Variants in ATE1 observed in about 807,000 individuals in gnomAD.
ATE1 encodes the protein arginyltransferase 1.
Under a neutral mutation model 70.5 loss-of-function variants are expected in ATE1, and 36 were observed. That is an observed-to-expected ratio of 0.51 (90% CI 0.39 to 0.67). The LOEUF (loss-of-function observed/expected upper bound fraction) is 0.67. Among genes scored for constraint, ATE1 ranks in the 30% least tolerant of loss-of-function variants. The pLI is 0.00. For missense variants in ATE1, 593 were observed against 629.5 expected, an observed-to-expected ratio of 0.94 and a Z score of 0.62; for synonymous variants, 232 against 219.3, an observed-to-expected ratio of 1.06 and a Z score of -0.51.
chr10:121,809,548 G>T (rs902236693), intron 10 of ATE1, among the ~76,000 whole-genome samples: 1 of 152,034 alleles, frequency 6.6e-6, no homozygotes, highest in Admixed American at 6.6e-5. Context: ...TTTTTACTGC[G>T]AGTGCACCGC....
intron 7 of ATE1, among the ~76,000 whole-genome samples, chr10:121,889,037 CAG>C (rs1408719901): frequency 6.6e-6 from 1 of 152,012 alleles, no homozygotes; most frequent in Non-Finnish European, 1.5e-5. Context: ...TTTTTTGAGA[CAG>C]AGTCTCATTC....
At chr10:121,805,607 T>C (rs774993550) in intron 10 of ATE1, among the ~76,000 whole-genome samples, 1 of 152,228 alleles carries the variant, frequency 6.6e-6, no homozygotes, top group Non-Finnish European at 1.5e-5. Context: ...ACTAATACTT[T>C]AAAATGTTTA....
chr10:121,828,084 T>C (rs1277856060), intron 10 of ATE1, among the ~76,000 whole-genome samples: 1 of 152,240 alleles, frequency 6.6e-6, no homozygotes, highest in Non-Finnish European at 1.5e-5. Context: ...CATGTCAGGA[T>C]ATTAAATGAA....
intron 7 of ATE1, among the ~76,000 whole-genome samples, chr10:121,891,909 T>C (rs1037694119): frequency 6.6e-6 from 1 of 152,230 alleles, no homozygotes; most frequent in Non-Finnish European, 1.5e-5. Context: ...TGTGATACTG[T>C]ACAGAGTCCC....
chr10:121,868,862 C>T (rs143094536), intron 8 of ATE1, among the ~76,000 whole-genome samples: 6 of 152,294 alleles, frequency 3.9e-5, no homozygotes, highest in Admixed American at 2.6e-4. Context: ...GTTTTCAATG[C>T]GCCAGTGTAG....
intron 3 of ATE1, among the ~76,000 whole-genome samples, chr10:121,918,284 G>A (rs534587260): frequency 1.3e-5 from 2 of 150,130 alleles, no homozygotes; most frequent in East Asian, 3.9e-4. Flanking sequence ...AGTGAGCAGA[G>A]ATCGCGCCAC....
At chr10:121,914,045 T>C (rs781435020) in intron 3 of ATE1, 152 bp from the exon 4 acceptor site, 430 of 558,608 alleles carry the variant, frequency 7.7e-4, no homozygotes, top group Non-Finnish European at 1.1e-3. Flanking sequence ...CCAGCCCACA[T>C]CACACTAAGA....
At chr10:121,827,131 G>A (rs781619374) in intron 10 of ATE1, among the ~76,000 whole-genome samples, 14 of 151,402 alleles carry the variant, frequency 9.2e-5, no homozygotes, top group Admixed American at 1.3e-4. Context: ...CTCCTGCCTC[G>A]GCCTCCTGAG....
At chr10:121,816,227 A>G (rs1008888917) in intron 10 of ATE1, among the ~76,000 whole-genome samples, 2 of 152,258 alleles carry the variant, frequency 1.3e-5, no homozygotes, top group African/African-American at 4.8e-5. Flanking sequence ...ATTTTAAAAG[A>G]AAAACTATTA....
chr10:121,847,783 G>A (rs763130763), intron 8 of ATE1, among the ~76,000 whole-genome samples: 3 of 138,488 alleles, frequency 2.2e-5, no homozygotes, highest in East Asian at 2.2e-4. Context: ...AAAAAAAATC[G>A]TGAACAGGCC....
At chr10:121,850,204 T>C (rs142432702) in intron 8 of ATE1, among the ~76,000 whole-genome samples, 653 of 152,320 alleles carry the variant, frequency 4.3e-3, no homozygotes, top group Non-Finnish European at 5.9e-3. Context: ...TCGTTATATG[T>C]CCTAACACAG....
At chr10:121,912,183 C>T (rs1483392578) in intron 4 of ATE1, among the ~76,000 whole-genome samples, 1 of 152,080 alleles carries the variant, frequency 6.6e-6, no homozygotes, top group Non-Finnish European at 1.5e-5. Flanking sequence ...AGCCACCACA[C>T]CCGGCCCCGA....
At chr10:121,817,597 C>T (rs1441194090) in intron 10 of ATE1, among the ~76,000 whole-genome samples, 2 of 151,522 alleles carry the variant, frequency 1.3e-5, no homozygotes, top group Non-Finnish European at 2.9e-5. Context: ...TCTAATGAGA[C>T]AGGCAGATGT....
chr10:121,827,216 G>A (rs1948057760), intron 10 of ATE1, among the ~76,000 whole-genome samples: 1 of 152,114 alleles, frequency 6.6e-6, no homozygotes, highest in South Asian at 2.1e-4. Flanking sequence ...GTTTCACCAT[G>A]TTGGCCAGGA....
At chr10:121,914,249 T>G (rs1951553650) in intron 3 of ATE1, among the ~76,000 whole-genome samples, 2 of 152,014 alleles carry the variant, frequency 1.3e-5, no homozygotes, top group Non-Finnish European at 2.9e-5. Flanking sequence ...ATATTTTCAG[T>G]AGAGACAGGG....
At chr10:121,880,556 C>T (rs1950195755) in intron 7 of ATE1, among the ~76,000 whole-genome samples, 1 of 149,588 alleles carries the variant, frequency 6.7e-6, no homozygotes, top group Non-Finnish European at 1.5e-5. Flanking sequence ...TAAAAGCCCA[C>T]AAATATATAT....
chr10:121,843,198 T>A (rs1282821316), intron 8 of ATE1, among the ~76,000 whole-genome samples: 1 of 152,120 alleles, frequency 6.6e-6, no homozygotes, highest in East Asian at 1.9e-4. Context: ...GAATTTGGAA[T>A]ACCATTTGCA....
At chr10:121,792,660 G>A (rs1946502194) in intron 10 of ATE1, among the ~76,000 whole-genome samples, 1 of 152,100 alleles carries the variant, frequency 6.6e-6, no homozygotes, top group African/African-American at 2.4e-5. Context: ...AAAAACAATG[G>A]CATTATCTCC....
chr10:121,870,793 G>C (rs1484271987), intron 7 of ATE1, among the ~76,000 whole-genome samples: 3 of 152,298 alleles, frequency 2.0e-5, no homozygotes, highest in East Asian at 1.9e-4. Flanking sequence ...GTATACCTCT[G>C]AAATGAGGAC....
Sources: allele counts gnomAD v4.1 joint callset (sites outside exome capture counted in the v4.1 genomes callset), GRCh38; gene constraint gnomAD v4.1.1; transcripts MANE v1.5; gene names NCBI Gene and HGNC (gene_info 2026-07-23, HGNC 2026-07-21).